The following RRM1 variants were observed in gnomAD, a reference collection of about 807,000 sequenced individuals.
The protein encoded by RRM1 is ribonucleotide reductase catalytic subunit M1.
Under a neutral mutation model 101.5 loss-of-function variants are expected in RRM1, and 19 were observed. That is an observed-to-expected ratio of 0.19 (90% CI 0.13 to 0.27). RRM1 has a LOEUF of 0.27. Ranked by LOEUF, RRM1 falls within the 10% of genes least tolerant of loss-of-function variation. RRM1 has a pLI of 1.00. For missense variants in RRM1, 500 were observed against 962.9 expected, an observed-to-expected ratio of 0.52 and a Z score of 6.36; for synonymous variants, 298 against 323.4, an observed-to-expected ratio of 0.92 and a Z score of 0.84.
At chr11:4,130,086 A>ATATATATATTTTTTTTTT (rs1202870487) in intron 15 of RRM1, among the ~76,000 whole-genome samples, 1 of 99,444 alleles carries the variant, frequency 1.0e-5, no homozygotes, top group African/African-American at 5.4e-5. Flanking sequence ...ATATATATAT[A>ATATATATATTTTTTTTTT]TTTTTTTTTT....
chr11:4,105,078 G>A (rs889626388), intron 2 of RRM1, among the ~76,000 whole-genome samples: 1 of 151,962 alleles, frequency 6.6e-6, no homozygotes, highest in Non-Finnish European at 1.5e-5. Flanking sequence ...GAGACTAATC[G>A]ATTTAAAGGC....
intron 9 of RRM1, 117 bp downstream of exon 9, chr11:4,120,045 C>T: frequency 1.1e-5 from 7 of 635,420 alleles, no homozygotes; most frequent in Non-Finnish European, 1.7e-5. Context: ...CTTGTAAAAT[C>T]AATTTGAGGA....
chr11:4,120,715 TC>T (rs983973139), intron 9 of RRM1, among the ~76,000 whole-genome samples: 1 of 152,154 alleles, frequency 6.6e-6, no homozygotes, highest in African/African-American at 2.4e-5. Flanking sequence ...AACAAAACTC[TC>T]CCTAATTGGC....
intron 18 of RRM1, among the ~76,000 whole-genome samples, chr11:4,136,692 G>T (rs1328116917): frequency 6.6e-6 from 1 of 151,988 alleles, no homozygotes; most frequent in Admixed American, 6.5e-5. Flanking sequence ...CCTCTTGGGG[G>T]ATTACAGGCA....
At chr11:4,117,972 A>G (rs1307217439) in intron 7 of RRM1, among the ~76,000 whole-genome samples, 1 of 152,226 alleles carries the variant, frequency 6.6e-6, no homozygotes, top group Non-Finnish European at 1.5e-5. Context: ...ACAACCTGAA[A>G]AGACGGTGAT....
intron 7 of RRM1, among the ~76,000 whole-genome samples, chr11:4,112,531 T>C (rs1482685081): frequency 1.3e-5 from 2 of 152,216 alleles, no homozygotes; most frequent in Middle Eastern, 3.4e-3. Context: ...ACCCAGCCAA[T>C]TTTTGTATTT....
chr11:4,138,284 A>C lies in RRM1; in HGVS notation c.2280A>C (p.Lys760Asn). 3.1e-6 allele frequency: 5 copies of C among 1,611,558 alleles called. No individual in the cohort carries two copies. The highest frequency in any genetic ancestry group is 4.2e-6 in the Non-Finnish European group (5 of 1,177,990). ...FTLNKEKLKDKEKVSKEEEEK... is the reference protein window; with the variant it reads ...FTLNKEKLKDNEKVSKEEEEK... ...TAAATAAGGAGAAGCTAAAAGATAAAGAAAAGGTATCAAAAGAGGAAGAAG... is the reference window on the plus strand; with the variant it reads ...TAAATAAGGAGAAGCTAAAAGATAACGAAAAGGTATCAAAAGAGGAAGAAG... Residue 760 changes from lysine to asparagine, a missense_variant, in exon 19 of 19, where the codon AAA becomes AAC. Lys to Asn is a moderately conservative substitution (Grantham distance 94). This residue lies in a region of RRM1 where 33 missense variants were observed against 40.7 expected (regional missense o/e 0.81). Coordinates refer to ENST00000300738, the MANE Select transcript of RRM1 (RefSeq NM_001033.5).
At chr11:4,130,741 T>C (rs769297389) in intron 15 of RRM1, among the ~76,000 whole-genome samples, 3 of 152,212 alleles carry the variant, frequency 2.0e-5, no homozygotes, top group Non-Finnish European at 2.9e-5. Context: ...TGATTTATTT[T>C]GGAGCTCTTT....
At chr11:4,096,708 G>T (rs1379480085) in intron 1 of RRM1, among the ~76,000 whole-genome samples, 2 of 151,684 alleles carry the variant, frequency 1.3e-5, no homozygotes, top group African/African-American at 2.4e-5. Flanking sequence ...TCGCTATGTT[G>T]CCCAGGCTTG....
chr11:4,111,427 G>C (rs2094565406), intron 5 of RRM1, among the ~76,000 whole-genome samples, 174 bp from the exon 6 acceptor site: 1 of 146,854 alleles, frequency 6.8e-6, no homozygotes, highest in African/African-American at 2.5e-5. Flanking sequence ...AAAAAAAAAA[G>C]TGCCAATGAT....
intron 7 of RRM1, among the ~76,000 whole-genome samples, chr11:4,114,955 C>A (rs548737174): frequency 6.6e-6 from 1 of 152,104 alleles, no homozygotes; most frequent in East Asian, 1.9e-4. Context: ...TTGAGTGATC[C>A]GTCTTCCTTG....
At position 4,132,530 on chromosome 11, in the gene RRM1, T is replaced by G; in HGVS notation, c.1905+109T>G. On this transcript the variant is annotated intron_variant, in intron 16 of 18. Coordinates refer to ENST00000300738, the MANE Select transcript of RRM1 (RefSeq NM_001033.5). The surrounding 1 kb of genome is among the most constrained non-coding windows in gnomAD (Gnocchi z 4.1). ...CCATTTTCTTAGTTTGGGTGCAAAC[T>G]TTGATAAAGACAGTCATCTTCATCT... 2 of 1,087,236 alleles carry G rather than the reference T, an allele frequency of 1.8e-6. No homozygotes were observed. 67.3% of individuals were successfully genotyped at this position (1,087,236 alleles called of 1,614,324 possible).
chr11:4,135,503 G>T (rs1210659437), intron 18 of RRM1, among the ~76,000 whole-genome samples: 1 of 152,134 alleles, frequency 6.6e-6, no homozygotes, highest in African/African-American at 2.4e-5. Flanking sequence ...GTAGTTACCT[G>T]TGATGCTTTC....
chr11:4,104,421 C>T (rs942379155), intron 2 of RRM1, among the ~76,000 whole-genome samples: 5 of 152,112 alleles, frequency 3.3e-5, no homozygotes, highest in Non-Finnish European at 7.4e-5. Context: ...TTGGATTAAG[C>T]GGTTTCTTAA....
chr11:4,105,027 G>T (rs1003588682), intron 2 of RRM1, among the ~76,000 whole-genome samples: 1 of 152,062 alleles, frequency 6.6e-6, no homozygotes, highest in South Asian at 2.1e-4. Flanking sequence ...GAAAAATAGG[G>T]AAATATAGAA....
rs1025298767 is a variant in RRM1 at position 4,115,709 on chromosome 11, A to G, written c.651-2611A>G. Among the ~76,000 whole-genome samples, 9 of 152,138 alleles carry G rather than the reference A, an allele frequency of 5.9e-5. No homozygotes were observed. In the Middle Eastern group the frequency reaches 0.01, roughly 172 times the overall value. On this transcript the variant is annotated intron_variant, in intron 7 of 18. Transcript: ENST00000300738. ...GTAGCTGGGATTACAGGCACGCGCC[A>G]CCACACCCAGCTAATTTTTGTATTT...
chr11:4,128,986 C>T, intron 14 of RRM1, 88 bp from the exon 15 acceptor site: 2 of 681,274 alleles, frequency 2.9e-6, no homozygotes, highest in East Asian at 2.6e-5. Context: ...GATGTGGGGA[C>T]ATGGCAGCTA....
At chr11:4,131,399 C>T (rs368346680) in intron 15 of RRM1, among the ~76,000 whole-genome samples, 3 of 152,192 alleles carry the variant, frequency 2.0e-5, no homozygotes, top group South Asian at 2.1e-4. Context: ...GTACAGACTC[C>T]GTCAGGATAT....
At position 4,127,059 on chromosome 11, in the gene RRM1, C is replaced by T. The variant is rs767995989; in HGVS notation, c.1495C>T (p.Arg499Cys). Reference sequence around the variant, plus strand: ...GGCATGCCTATCAAATAAACGCCATCGCCCCATTGGAATTGGGGTACAAGG... The same window carrying T: ...GGCATGCCTATCAAATAAACGCCATTGCCCCATTGGAATTGGGGTACAAGG... ...PEACLSNKRH[R>C]PIGIGVQGLA... The change falls in exon 14 of 19, where the codon CGC becomes TGC. Residue 499 changes from arginine (R) to cysteine (C), a missense_variant. Physicochemically the swap from Arg to Cys is radical, Grantham distance 180. This residue lies in a region of RRM1 where 106 missense variants were observed against 138.1 expected (regional missense o/e 0.77). Transcript: ENST00000300738. The T allele has an allele frequency of 4.3e-6, 7 of 1,612,252 alleles. No individual in the cohort carries two copies. Among genetic ancestry groups the T allele is most frequent in the East Asian group, 2.2e-5 (1 of 44,888 alleles).
Sources: allele counts gnomAD v4.1 joint callset (sites outside exome capture counted in the v4.1 genomes callset), GRCh38; gene constraint gnomAD v4.1.1; regional missense constraint gnomAD v4.1.1; non-coding constraint Gnocchi (gnomAD v3.1); transcripts MANE v1.5; gene names NCBI Gene and HGNC (gene_info 2026-07-23, HGNC 2026-07-21).